Variants in PHACTR1 observed in about 807,000 individuals in gnomAD.
PHACTR1 encodes RPEL repeat containing 1.
Under a neutral mutation model 69.2 loss-of-function variants are expected in PHACTR1, and 16 were observed. The observed-to-expected ratio is 0.23, with a 90% CI of 0.16 to 0.35. PHACTR1 has a LOEUF of 0.35. Among genes scored for constraint, PHACTR1 ranks in the 10% least tolerant of loss-of-function variants. The probability of loss-of-function intolerance (pLI) is 1.00; values close to 1 mark genes in which losing one functional copy is unlikely to be tolerated. For synonymous variants in PHACTR1, 312 were observed against 284.5 expected (o/e 1.10, Z -0.97); for missense variants, 510 against 734.7 (o/e 0.69, Z 3.54).
chr6:12,870,038 C>A (rs1172219787), intron 4 of PHACTR1, among the ~76,000 whole-genome samples: 1 of 152,054 alleles, frequency 6.6e-6, no homozygotes, highest in East Asian at 1.9e-4. Flanking sequence ...CTGTAACAAG[C>A]CCTCATACAT....
chr6:12,744,217 G>A (rs1479184982), intron 3 of PHACTR1, among the ~76,000 whole-genome samples: 1 of 152,196 alleles, frequency 6.6e-6, no homozygotes, highest in South Asian at 2.1e-4. Flanking sequence ...AGTCAAATTT[G>A]CTTCCTTAAA....
chr6:13,230,032 T>C lies in PHACTR1; in HGVS notation c.1235-5T>C, dbSNP rs1460791112. On this transcript the variant is annotated splice_region_variant and splice_polypyrimidine_tract_variant and intron_variant, in intron 9 of 14. Transcript: ENST00000332995. ...CCTTAATTGACTCATTTCTGTCTCCTACAGGCTCCCTGGCCATGAAGGTCT... is the reference window on the plus strand; with the variant it reads ...CCTTAATTGACTCATTTCTGTCTCCCACAGGCTCCCTGGCCATGAAGGTCT... The C allele has an allele frequency of 6.2e-7, 1 of 1,605,044 alleles. No individual in the cohort carries two copies. The highest frequency in any genetic ancestry group is 1.1e-5 in the South Asian group (1 of 89,440).
intron 4 of PHACTR1, among the ~76,000 whole-genome samples, chr6:12,822,984 T>G (rs1344108342): frequency 6.6e-6 from 1 of 152,170 alleles, no homozygotes; most frequent in Non-Finnish European, 1.5e-5. Context: ...TAACAACAGA[T>G]AAAACCCATG....
intron 4 of PHACTR1, among the ~76,000 whole-genome samples, chr6:12,799,731 T>C (rs1773481879): frequency 6.6e-6 from 1 of 152,172 alleles, no homozygotes; most frequent in Admixed American, 6.5e-5. Flanking sequence ...CTAGTGTCAG[T>C]GATGTTTCAA....
intron 4 of PHACTR1, among the ~76,000 whole-genome samples, chr6:12,864,062 A>C (rs751823066): frequency 9.9e-5 from 15 of 152,178 alleles, no homozygotes; most frequent in Non-Finnish European, 1.6e-4. Flanking sequence ...AATACCTTTA[A>C]TTTCCTGATC....
At chr6:12,907,902 G>T (rs984575817) in intron 4 of PHACTR1, among the ~76,000 whole-genome samples, 4 of 152,138 alleles carry the variant, frequency 2.6e-5, no homozygotes, top group African/African-American at 9.7e-5. Context: ...CTTTTCTTAC[G>T]ATGCAGAGTG....
chr6:13,172,915 G>C (rs9349494), intron 6 of PHACTR1, among the ~76,000 whole-genome samples: 3 of 152,130 alleles, frequency 2.0e-5, no homozygotes, highest in African/African-American at 4.8e-5. Context: ...AGATGCCTGC[G>C]TGAGGCAGAA....
At chr6:13,155,663 G>A (rs993419747) in intron 5 of PHACTR1, among the ~76,000 whole-genome samples, 12 of 152,186 alleles carry the variant, frequency 7.9e-5, no homozygotes, top group African/African-American at 2.4e-4. Flanking sequence ...GCCAAGGCGG[G>A]CAGATCATGA....
At chr6:13,072,649 C>T (rs1469615388) in intron 5 of PHACTR1, among the ~76,000 whole-genome samples, 1 of 152,106 alleles carries the variant, frequency 6.6e-6, no homozygotes, top group African/African-American at 2.4e-5. Context: ...TGGTTGTATG[C>T]CATTATAAAT....
At chr6:12,939,212 G>A (rs1789806669) in intron 4 of PHACTR1, among the ~76,000 whole-genome samples, 1 of 152,176 alleles carries the variant, frequency 6.6e-6, no homozygotes, top group Non-Finnish European at 1.5e-5. Flanking sequence ...AAATACAATG[G>A]TAAAGCCTTT....
chr6:12,849,515 T>C (rs1779625445), intron 4 of PHACTR1, among the ~76,000 whole-genome samples: 1 of 152,028 alleles, frequency 6.6e-6, no homozygotes, highest in African/African-American at 2.4e-5. Context: ...CACACAGTAA[T>C]GGTAGTGGAC....
rs143255326 is a variant in PHACTR1, at chr6:12,796,624, C to T, written c.250+46834C>T. On this transcript the variant is annotated intron_variant, in intron 4 of 14. Coordinates refer to ENST00000332995, the MANE Select transcript of PHACTR1 (RefSeq NM_030948.6). The stretch of plus-strand genomic sequence containing the variant: ...TAGGCATTGGTGTGCAGAGTCTCTG[C>T]AGACACTTAAGGAGAGAAGTAAGGT... Among the ~76,000 whole-genome samples the T allele has an allele frequency of 1.9e-3, 296 of 152,288 alleles. 2 individuals carry two copies. Among genetic ancestry groups the T allele is most frequent in the African/African-American group, 6.8e-3 (284 of 41,554 alleles).
Position 13,179,395 on chromosome 6 carries a change from A to G in PHACTR1, c.497-3124A>G, listed in dbSNP as rs571147855. On this transcript the variant is annotated intron_variant, in intron 6 of 14. Transcript: ENST00000332995. This position sits in a 1 kb window ranked among gnomAD's most constrained non-coding sequence, Gnocchi z 4.2. ...ATGATGGGTATATACAGCCCATTAC[A>G]TTAATGTTTCGTGTGTGTGTGTGTG... 7.9e-6 allele frequency among the ~76,000 whole-genome samples: 1 copy of G among 127,088 alleles called. No individual in the cohort carries two copies. The highest frequency in any genetic ancestry group is 2.4e-4 in the South Asian group (1 of 4,220). 83.4% of individuals were successfully genotyped at this position (127,088 alleles called of 152,430 possible).
At chr6:12,790,305 G>T (rs1268344775) in intron 4 of PHACTR1, among the ~76,000 whole-genome samples, 3 of 152,008 alleles carry the variant, frequency 2.0e-5, no homozygotes, top group African/African-American at 7.3e-5. Flanking sequence ...TTACCCTGAT[G>T]GGCCACAATG....
chr6:12,725,632 A>G (rs1040207644), intron 3 of PHACTR1, among the ~76,000 whole-genome samples: 1 of 152,212 alleles, frequency 6.6e-6, no homozygotes, highest in African/African-American at 2.4e-5. Context: ...GACTTTGGGA[A>G]TTAAGTGAGG....
chr6:13,230,364 C>G, intron 10 of PHACTR1, 171 bp downstream of exon 10: 1 of 1,419,134 alleles, frequency 7.0e-7, no homozygotes, highest in Non-Finnish European at 9.3e-7. Flanking sequence ...CCAGCCTGGC[C>G]AACATGGTGA....
intron 5 of PHACTR1, among the ~76,000 whole-genome samples, chr6:13,075,878 A>T (rs1810381795): frequency 6.6e-6 from 1 of 152,166 alleles, no homozygotes; most frequent in African/African-American, 2.4e-5. Context: ...AAATACTGTA[A>T]GTCAAGCTAG....
chr6:13,064,989 AATTTAAT>A (rs1808409978), intron 5 of PHACTR1, among the ~76,000 whole-genome samples: 1 of 152,022 alleles, frequency 6.6e-6, no homozygotes, highest in African/African-American at 2.4e-5. Context: ...ATTGAGTTCA[AATTTAAT>A]ATTTAACTTT....
intron 5 of PHACTR1, among the ~76,000 whole-genome samples, chr6:13,130,518 C>A (rs1820251764): frequency 6.6e-6 from 1 of 152,076 alleles, no homozygotes; most frequent in Admixed American, 6.5e-5. Flanking sequence ...TTATTCAAGG[C>A]TGCTGTGAAC....
Sources: allele counts gnomAD v4.1 joint callset (sites outside exome capture counted in the v4.1 genomes callset), GRCh38; gene constraint gnomAD v4.1.1; non-coding constraint Gnocchi (gnomAD v3.1); transcripts MANE v1.5; gene names NCBI Gene and HGNC (gene_info 2026-07-23, HGNC 2026-07-21).